Variants in PTPRE observed in about 807,000 individuals in gnomAD.
PTPRE encodes receptor-type tyrosine-protein phosphatase epsilon.
In PTPRE, 51 loss-of-function variants were observed where a neutral mutation model predicts 102.0. That is an observed-to-expected ratio of 0.50 (90% CI 0.40 to 0.63). PTPRE has a LOEUF of 0.63. Among genes scored for constraint, PTPRE ranks in the 30% least tolerant of loss-of-function variants. PTPRE has a pLI of 0.00. For synonymous variants in PTPRE, 345 were observed against 348.2 expected (o/e 0.99, Z 0.10); for missense variants, 752 against 915.1 (o/e 0.82, Z 2.30).
At chr10:128,020,570 A>T (rs1049476694) in intron 2 of PTPRE, among the ~76,000 whole-genome samples, 2 of 152,222 alleles carry the variant, frequency 1.3e-5, no homozygotes, top group Non-Finnish European at 2.9e-5. Flanking sequence ...TATATTTTTT[A>T]AAAAGAAAAG....
intron 20 of PTPRE, among the ~76,000 whole-genome samples, chr10:128,082,196 T>TCC (rs370540400): frequency 1.5e-5 from 1 of 68,480 alleles, no homozygotes; most frequent in Non-Finnish European, 2.6e-5. Flanking sequence ...TTTCTCTTTC[T>TCC]TTTTTTTTTT....
intron 6 of PTPRE, among the ~76,000 whole-genome samples, chr10:128,053,079 T>C (rs1471148588): frequency 6.6e-6 from 1 of 152,052 alleles, no homozygotes; most frequent in Non-Finnish European, 1.5e-5. Flanking sequence ...TGAAACCCCA[T>C]CTCTACCAAA....
At chr10:127,982,679 G>A (rs1345676207) in intron 2 of PTPRE, among the ~76,000 whole-genome samples, 1 of 152,148 alleles carries the variant, frequency 6.6e-6, no homozygotes, top group Non-Finnish European at 1.5e-5. Flanking sequence ...GAGCGCAGGG[G>A]CACATAATTG....
At chr10:127,987,772 C>G (rs1049709960) in intron 2 of PTPRE, among the ~76,000 whole-genome samples, 2 of 152,158 alleles carry the variant, frequency 1.3e-5, no homozygotes, top group Admixed American at 6.5e-5. Context: ...TGGGAAAATC[C>G]CACCCATTGT....
chr10:127,989,023 A>T (rs1852377663), intron 2 of PTPRE, among the ~76,000 whole-genome samples: 1 of 152,214 alleles, frequency 6.6e-6, no homozygotes, highest in South Asian at 2.1e-4. Context: ...TGTTTATTTT[A>T]TGATGAGGGC....
chr10:127,967,291 T>C (rs762596608), intron 1 of PTPRE, among the ~76,000 whole-genome samples: 8 of 152,202 alleles, frequency 5.3e-5, no homozygotes, highest in Non-Finnish European at 8.8e-5. Context: ...ATTGCTATGG[T>C]TTGGCTGTGT....
At chr10:127,980,441 A>G (rs1334975234) in intron 1 of PTPRE, among the ~76,000 whole-genome samples, 2 of 150,696 alleles carry the variant, frequency 1.3e-5, no homozygotes, top group Non-Finnish European at 2.9e-5. Context: ...TACATAGACT[A>G]TTATGTCATT....
intron 7 of PTPRE, among the ~76,000 whole-genome samples, chr10:128,056,477 C>T (rs60217665): frequency 3.3e-5 from 5 of 152,192 alleles, no homozygotes; most frequent in East Asian, 1.9e-4. Flanking sequence ...TGGGGCCCAG[C>T]GGGTAAGGGT....
At chr10:128,040,837 G>A in intron 2 of PTPRE, 38 bp from the exon 3 acceptor site, 1 of 1,554,328 alleles carries the variant, frequency 6.4e-7, no homozygotes, top group Non-Finnish European at 8.9e-7. Flanking sequence ...CACAGCTGCT[G>A]CTGGATGACC....
intron 1 of PTPRE, among the ~76,000 whole-genome samples, chr10:127,915,468 C>T (rs1471924741): frequency 1.3e-5 from 2 of 152,208 alleles, no homozygotes; most frequent in African/African-American, 4.8e-5. Context: ...AGCAGCCCTT[C>T]GTTCAGTGCT....
At chr10:127,927,049 A>T (rs575627294) in intron 1 of PTPRE, among the ~76,000 whole-genome samples, 1 of 151,924 alleles carries the variant, frequency 6.6e-6, no homozygotes, top group East Asian at 1.9e-4. Flanking sequence ...TGACCTCATG[A>T]TCTGCCAGCC....
rs138032741 is a variant in PTPRE, at chr10:128,079,753, T to C, written c.2028+58T>C. 375 of 1,559,508 alleles carry C rather than the reference T, an allele frequency of 2.4e-4. No individual in the cohort carries two copies. In the African/African-American group the frequency reaches 4.1e-3, roughly 17 times the overall value. ...GTGGAGAATTATTTCATGTTGTATT[T>C]GATGTATGTTTCATTAAAGGACCTT... On this transcript the variant is annotated intron_variant, in intron 20 of 20. Transcript: ENST00000254667.
chr10:128,068,954 G>A (rs1246787795), intron 12 of PTPRE: 1 of 152,414 alleles, frequency 6.6e-6, no homozygotes, highest in African/African-American at 2.4e-5. Context: ...CCTCACCAGG[G>A]TATCACTTTG....
intron 6 of PTPRE, among the ~76,000 whole-genome samples, chr10:128,055,652 T>C (rs1848893485): frequency 6.6e-6 from 1 of 152,104 alleles, no homozygotes; most frequent in Non-Finnish European, 1.5e-5. Flanking sequence ...GCCCCTTGCC[T>C]CCCAGGACCG....
intron 5 of PTPRE, 104 bp downstream of exon 5, chr10:128,047,941 G>A: frequency 8.3e-7 from 1 of 1,210,604 alleles, no homozygotes; most frequent in Non-Finnish European, 1.1e-6. Context: ...ATTTTGAGGT[G>A]TGCCTTGCCA....
At chr10:128,069,657 G>C in intron 12 of PTPRE, 35 bp from the exon 13 acceptor site, 3 of 1,612,198 alleles carry the variant, frequency 1.9e-6, no homozygotes, top group Non-Finnish European at 2.5e-6. Context: ...GGAGGAGTGT[G>C]ACTCACGACG....
chr10:128,073,577 G>A, intron 17 of PTPRE, 106 bp downstream of exon 17: 1 of 1,380,880 alleles, frequency 7.2e-7, no homozygotes, highest in East Asian at 2.5e-5. Flanking sequence ...AAACACATGG[G>A]TGAGACCAAG....
intron 2 of PTPRE, among the ~76,000 whole-genome samples, chr10:128,037,346 C>A (rs1847303612): frequency 6.6e-6 from 1 of 152,232 alleles, no homozygotes; most frequent in South Asian, 2.1e-4. Flanking sequence ...GAATGACTCA[C>A]TCACTGCACT....
intron 2 of PTPRE, among the ~76,000 whole-genome samples, chr10:128,011,642 G>C (rs1054835091): frequency 6.6e-6 from 1 of 152,256 alleles, no homozygotes; most frequent in African/African-American, 2.4e-5. Context: ...AAAATGCAAA[G>C]TTATAACACC....
Sources: gnomAD v4.1 joint callset for allele counts (sites outside exome capture counted in the v4.1 genomes callset) on GRCh38, gnomAD v4.1.1 for gene constraint, MANE v1.5 for transcripts, NCBI Gene and HGNC (gene_info 2026-07-23, HGNC 2026-07-21) for gene names.